Variants in EML6 observed in about 807,000 individuals in gnomAD.
The protein encoded by EML6 is echinoderm microtubule-associated protein-like 6.
A neutral mutation model predicts 240.1 loss-of-function variants in EML6; 154 were observed. That is an observed-to-expected ratio of 0.64 (90% CI 0.56 to 0.73). The LOEUF (loss-of-function observed/expected upper bound fraction) is 0.73. Ranked by LOEUF, EML6 falls within the 30% of genes least tolerant of loss-of-function variation. EML6 has a pLI of 0.00. For missense variants in EML6, 2,964 were observed against 2,474.6 expected (o/e 1.20, Z -4.20); for synonymous variants, 1,148 against 899.0 (o/e 1.28, Z -4.95).
chr2:54,942,815 C>T (rs903475180), intron 28 of EML6, among the ~76,000 whole-genome samples: 5 of 152,280 alleles, frequency 3.3e-5, no homozygotes, highest in East Asian at 1.9e-4. Flanking sequence ...TTCTCATTCC[C>T]GGGTACACCT....
intron 38 of EML6, 72 bp from the exon 39 acceptor site, chr2:54,966,928 A>G (rs1313070220): frequency 1.0e-6 from 1 of 978,214 alleles, no homozygotes; most frequent in East Asian, 2.7e-5. Context: ...GTGTTCTGGG[A>G]AACTGTGCCC....
At chr2:54,964,268 C>G (rs1432076667) in intron 37 of EML6, 110 bp downstream of exon 37, 1 of 1,106,548 alleles carries the variant, frequency 9.0e-7, no homozygotes, top group East Asian at 2.6e-5. Flanking sequence ...GAGAGGGTCA[C>G]TTTCAACAAG....
Position 54,844,033 on chromosome 2 carries a change from C to T in EML6, c.848-14C>T. On this transcript the variant is annotated splice_polypyrimidine_tract_variant and intron_variant, in intron 7 of 41. Coordinates refer to ENST00000356458, the MANE Select transcript of EML6 (RefSeq NM_001039753.4). ...AGTGTGAAGATTTGCTTTTGTTTTACTTATTTTTGTCAGGCCTCTCTATCC... is the reference window on the plus strand; with the variant it reads ...AGTGTGAAGATTTGCTTTTGTTTTATTTATTTTTGTCAGGCCTCTCTATCC... The T allele has an allele frequency of 1.4e-6, 2 of 1,385,006 alleles. No homozygotes were observed. Among genetic ancestry groups the T allele is most frequent in the Non-Finnish European group, 1.9e-6 (2 of 1,039,560 alleles). 85.8% of individuals were successfully genotyped at this position (1,385,006 alleles called of 1,614,324 possible).
At chr2:54,789,180 C>T (rs1669256520) in intron 2 of EML6, among the ~76,000 whole-genome samples, 1 of 152,158 alleles carries the variant, frequency 6.6e-6, no homozygotes, top group African/African-American at 2.4e-5. Context: ...AACAATGAAA[C>T]ATTTAATTTT....
intron 7 of EML6, among the ~76,000 whole-genome samples, chr2:54,842,774 G>T (rs1475312140): frequency 6.6e-6 from 1 of 152,206 alleles, no homozygotes; most frequent in East Asian, 1.9e-4. Context: ...GGCAAGTGAG[G>T]ACCTGCCTAG....
intron 12 of EML6, among the ~76,000 whole-genome samples, chr2:54,860,726 G>A (rs567257899): frequency 1.2e-4 from 19 of 152,310 alleles, no homozygotes; most frequent in Middle Eastern, 6.8e-3. Flanking sequence ...AGAGAAAGGT[G>A]GCAGTTTTAT....
intron 28 of EML6, among the ~76,000 whole-genome samples, chr2:54,930,604 T>C (rs963641636): frequency 6.6e-6 from 1 of 152,064 alleles, no homozygotes; most frequent in Non-Finnish European, 1.5e-5. Flanking sequence ...TTTAAAAAAA[T>C]TCACACCAGG....
intron 7 of EML6, among the ~76,000 whole-genome samples, chr2:54,832,056 G>A (rs985948398): frequency 6.6e-6 from 1 of 152,060 alleles, no homozygotes; most frequent in Non-Finnish European, 1.5e-5. Context: ...TCTCCCCCTG[G>A]CTTGGGCAAC....
intron 19 of EML6, among the ~76,000 whole-genome samples, chr2:54,893,721 C>T (rs924372114): frequency 1.2e-4 from 18 of 152,192 alleles, no homozygotes; most frequent in African/African-American, 3.9e-4. Flanking sequence ...ACCTACTACT[C>T]CTAACCCATG....
chr2:54,793,147 A>G (rs1669551314), intron 2 of EML6, among the ~76,000 whole-genome samples: 2 of 152,110 alleles, frequency 1.3e-5, no homozygotes, highest in South Asian at 2.1e-4. Context: ...CATGCCTGTA[A>G]TCTCAGCTAC....
chr2:54,784,381 G>A (rs979368947), intron 2 of EML6, among the ~76,000 whole-genome samples: 2 of 152,160 alleles, frequency 1.3e-5, no homozygotes, highest in Admixed American at 1.3e-4. Flanking sequence ...CCAGGTAAGA[G>A]TATAAATACT....
chr2:54,765,552 C>G (rs1446723927), intron 2 of EML6, among the ~76,000 whole-genome samples: 1 of 152,142 alleles, frequency 6.6e-6, no homozygotes, highest in African/African-American at 2.4e-5. Context: ...GCTCCGCCTG[C>G]CGGGTTCACG....
chr2:54,937,936 A>G (rs886773525), intron 28 of EML6, among the ~76,000 whole-genome samples: 4 of 152,250 alleles, frequency 2.6e-5, no homozygotes, highest in Admixed American at 1.3e-4. Context: ...CCTCTTACGT[A>G]TAAAACCTCT....
intron 9 of EML6, among the ~76,000 whole-genome samples, chr2:54,848,504 G>A (rs1412461358): frequency 2.3e-5 from 2 of 88,188 alleles, no homozygotes; most frequent in African/African-American, 4.1e-5. Context: ...TTTTTCGATG[G>A]ACTTCTCAAG....
chr2:54,745,393 T>G (rs994374039), intron 2 of EML6, among the ~76,000 whole-genome samples: 4 of 152,158 alleles, frequency 2.6e-5, no homozygotes, highest in Non-Finnish European at 5.9e-5. Context: ...GAGACTCATG[T>G]CACAGACACT....
chr2:54,796,322 CAAAA>C (rs1163557215), intron 2 of EML6, among the ~76,000 whole-genome samples: 1 of 152,124 alleles, frequency 6.6e-6, no homozygotes, highest in Non-Finnish European at 1.5e-5. Context: ...TCATTACTCT[CAAAA>C]TAACACAATA....
Position 54,964,621 on chromosome 2 carries a change from T to C in EML6, c.5381T>C (p.Val1794Ala), listed in dbSNP as rs1378925041. ...FLAVGSSEHT[V>A]DFYDLTQGTN... ...GCCGTTGGTTCTTCTGAACACACAGTTGACTTCTATGACCTCACTCAGGGC... is the reference window on the plus strand; with the variant it reads ...GCCGTTGGTTCTTCTGAACACACAGCTGACTTCTATGACCTCACTCAGGGC... The change falls in exon 38 of 42, where the codon GTT (valine) becomes GCT (alanine). Residue 1794 changes from valine to alanine, a missense_variant. By Grantham distance (64) the Val-to-Ala change is moderately conservative. Transcript: ENST00000356458. 2 of 1,552,430 alleles carry C rather than the reference T, an allele frequency of 1.3e-6. No individual in the cohort carries two copies. Among genetic ancestry groups the C allele is most frequent in the Admixed American group, 3.9e-5 (2 of 51,022 alleles).
At chr2:54,931,904 A>G (rs1674884738) in intron 28 of EML6, among the ~76,000 whole-genome samples, 1 of 152,232 alleles carries the variant, frequency 6.6e-6, no homozygotes, top group South Asian at 2.1e-4. Context: ...AATGCCTTGA[A>G]GGTAGCTGTG....
Position 54,952,579 on chromosome 2 carries a change from ATC to A in EML6, c.4214-8_4214-7del. ...AGGTTCCACTGTTCACCCTCCCATG[ATC>A]TCTCTCCCCCAGGGAGCCAGAGCTT... On this transcript the variant is annotated splice_polypyrimidine_tract_variant and intron_variant, in intron 30 of 41. Transcript: ENST00000356458. The A allele has an allele frequency of 6.5e-7, 1 of 1,534,652 alleles. No homozygotes were observed. The highest frequency in any genetic ancestry group is 8.8e-7 in the Non-Finnish European group (1 of 1,132,400).
Sources: gnomAD v4.1 joint callset for allele counts (sites outside exome capture counted in the v4.1 genomes callset) on GRCh38, gnomAD v4.1.1 for gene constraint, MANE v1.5 for transcripts, NCBI Gene and HGNC (gene_info 2026-07-23, HGNC 2026-07-21) for gene names.